MTCL2: variants seen among roughly 807,000 people sequenced by gnomAD.
MTCL2 encodes microtubule crosslinking factor 2.
chr20:36,838,891 C>T, the MTCL2 span, among the ~76,000 whole-genome samples: 1 of 152,018 alleles, frequency 6.6e-6, no homozygotes, highest in Non-Finnish European at 1.5e-5. Flanking sequence ...ATCGCTTGAT[C>T]CCGGGAGGCA....
the MTCL2 span, among the ~76,000 whole-genome samples, chr20:36,823,731 C>T: frequency 6.6e-6 from 1 of 152,066 alleles, no homozygotes; most frequent in African/African-American, 2.4e-5. Flanking sequence ...TCTCTTGAGC[C>T]CGGAAGTTTG....
the MTCL2 span, among the ~76,000 whole-genome samples, chr20:36,858,930 A>T: frequency 4.1e-3 from 631 of 152,246 alleles, 5 homozygotes; most frequent in African/African-American, 0.014. Context: ...AGCTGGGATT[A>T]CAGGCGCCCA....
the MTCL2 span, among the ~76,000 whole-genome samples, chr20:36,845,478 A>G: frequency 6.6e-6 from 1 of 152,352 alleles, no homozygotes; most frequent in Non-Finnish European, 1.5e-5. Context: ...TAGGCCTCTC[A>G]GGGGGCTAGT....
the MTCL2 span, chr20:36,812,847 G>A: frequency 1.2e-6 from 2 of 1,609,526 alleles, no homozygotes; most frequent in South Asian, 1.1e-5. Context: ...TCAGGTGGCT[G>A]CACCCAGAGG....
chr20:36,784,115 G>A, the MTCL2 span: 7 of 985,598 alleles, frequency 7.1e-6, no homozygotes, highest in Non-Finnish European at 8.4e-6. Context: ...CCCCGAGGCT[G>A]AGTACGCAGC....
chr20:36,852,084 A>G, the MTCL2 span, among the ~76,000 whole-genome samples: 1 of 152,062 alleles, frequency 6.6e-6, no homozygotes, highest in Admixed American at 6.5e-5. Context: ...CAGGGGCCCA[A>G]CAAGCCCTCC....
At chr20:36,805,792 T>A in the MTCL2 span, 1 of 1,394,698 alleles carries the variant, frequency 7.2e-7, no homozygotes, top group Non-Finnish European at 9.7e-7. Context: ...TAGGAATTGA[T>A]TACTGAGCAG....
chr20:36,792,857 T>TAGAC, the MTCL2 span, among the ~76,000 whole-genome samples: 2,477 of 137,584 alleles, frequency 0.018, 28 homozygotes, highest in African/African-American at 0.037. Flanking sequence ...GATAGATAGA[T>TAGAC]AGACAGACAG....
the MTCL2 span, among the ~76,000 whole-genome samples, chr20:36,853,702 G>GGTGTGTGTGTGTGT: frequency 7.0e-6 from 1 of 143,834 alleles, no homozygotes; most frequent in Non-Finnish European, 1.5e-5. Context: ...ATCAGGGAGG[G>GGTGTGTGTGTGTGT]GTGTGTGTGT....
chr20:36,818,777 G>A, the MTCL2 span, among the ~76,000 whole-genome samples: 52 of 152,328 alleles, frequency 3.4e-4, 1 homozygote, highest in East Asian at 9.4e-3. Flanking sequence ...TATCTGCAAT[G>A]TACAACACCA....
At chr20:36,811,882 A>G in the MTCL2 span, among the ~76,000 whole-genome samples, 1 of 152,168 alleles carries the variant, frequency 6.6e-6, no homozygotes, top group Non-Finnish European at 1.5e-5. Context: ...TGCAAGGTTC[A>G]GGGTTTCAGG....
the MTCL2 span, among the ~76,000 whole-genome samples, chr20:36,851,388 A>G: frequency 6.6e-6 from 1 of 152,250 alleles, no homozygotes; most frequent in Admixed American, 6.5e-5. Context: ...ATCGTACAGC[A>G]TACAGGCCCT....
At chr20:36,806,543 G>A in the MTCL2 span, among the ~76,000 whole-genome samples, 5 of 150,686 alleles carry the variant, frequency 3.3e-5, no homozygotes, top group Admixed American at 3.3e-4. Flanking sequence ...TTTTTGAGAT[G>A]GAGTCTCACT....
At chr20:36,818,841 A>G in the MTCL2 span, among the ~76,000 whole-genome samples, 2 of 152,256 alleles carry the variant, frequency 1.3e-5, no homozygotes, top group African/African-American at 4.8e-5. Context: ...GAGCATTAAA[A>G]GGCCAGCAGA....
the MTCL2 span, among the ~76,000 whole-genome samples, chr20:36,809,257 C>T: frequency 6.6e-6 from 1 of 152,186 alleles, no homozygotes; most frequent in South Asian, 2.1e-4. Flanking sequence ...ATCAGTTTCC[C>T]CATCTGCAAA....
the MTCL2 span, among the ~76,000 whole-genome samples, chr20:36,835,105 G>C: frequency 6.6e-6 from 1 of 152,198 alleles, no homozygotes; most frequent in East Asian, 1.9e-4. Flanking sequence ...AAAACCTCTA[G>C]AGGGAGGGAC....
chr20:36,780,021 A>G, the MTCL2 span: 1 of 152,302 alleles, frequency 6.6e-6, no homozygotes, highest in South Asian at 2.1e-4. Flanking sequence ...AAGGGGCTAA[A>G]CCAAGATTAC....
chr20:36,862,255 G>C, the MTCL2 span, among the ~76,000 whole-genome samples: 1 of 152,226 alleles, frequency 6.6e-6, no homozygotes, highest in East Asian at 1.9e-4. Flanking sequence ...ATGGCCACAG[G>C]TTTCCCTGGC....
chr20:36,787,116 T>TCATGCCTCCCAAAGGCATGAGCCAC, the MTCL2 span, among the ~76,000 whole-genome samples: 1 of 151,980 alleles, frequency 6.6e-6, no homozygotes, highest in Admixed American at 6.6e-5. Context: ...CTTTGGGTGC[T>TCATGCCTCCCAAAGGCATGAGCCAC]CATGCCTCCC....
Sources: gnomAD v4.1 joint callset for allele counts (sites outside exome capture counted in the v4.1 genomes callset) on GRCh38, gnomAD v4.1.1 for gene constraint, MANE v1.5 for transcripts, NCBI Gene and HGNC (gene_info 2026-07-23, HGNC 2026-07-21) for gene names.